The following WWOX variants were observed in gnomAD, a reference collection of about 807,000 sequenced individuals.
The protein encoded by WWOX is WW domain containing oxidoreductase.
WWOX carries 69 observed loss-of-function variants against 46.2 expected under a neutral mutation model. That is an observed-to-expected ratio of 1.49 (90% CI 1.23 to 1.82). The LOEUF is 1.82. Among genes scored for constraint, WWOX ranks in the 40% most tolerant of loss-of-function variants. The probability of loss-of-function intolerance (pLI) is 0.00; values close to 1 mark genes in which losing one functional copy is unlikely to be tolerated. For synonymous variants in WWOX, 359 were observed against 202.6 expected (o/e 1.77, Z -6.56); for missense variants, 919 against 542.6 (o/e 1.69, Z -6.89).
In WWOX at chr16:78,853,236, T is replaced by A. The variant is rs189999966; in HGVS notation, c.1057-358372T>A. On this transcript the variant is annotated intron_variant, in intron 8 of 8. Coordinates refer to ENST00000566780, the MANE Select transcript of WWOX (RefSeq NM_016373.4). ...ATTATTATTTTTTTCTTTTTTGTTT[T>A]TTCTGAGACAGTCTTGATCTGTCAT... is the stretch of plus-strand genomic sequence containing the variant. Among the ~76,000 whole-genome samples the A allele has an allele frequency of 6.3e-3, 958 of 152,300 alleles. 6 individuals carry two copies. The highest frequency in any genetic ancestry group is 9.9e-3 in the Non-Finnish European group (673 of 68,032).
intron 8 of WWOX, among the ~76,000 whole-genome samples, chr16:78,933,738 C>T (rs746853640): frequency 3.3e-5 from 5 of 151,934 alleles, no homozygotes; most frequent in East Asian, 1.9e-4. Flanking sequence ...TATCTGATCT[C>T]GTGAGACTTA....
chr16:78,845,793 C>G lies in WWOX; in HGVS notation c.1057-365815C>G, dbSNP rs2052283134. Among the ~76,000 whole-genome samples, 3 of 152,144 alleles carry G rather than the reference C, an allele frequency of 2.0e-5. No homozygotes were observed. The South Asian group carries it at 6.2e-4, about 32-fold the overall frequency. ...CTAATTTAATGGAATCAAGAAATGACATTATAAGCTGGCTTATGTGGGCAC... is the reference window on the plus strand; with the variant it reads ...CTAATTTAATGGAATCAAGAAATGAGATTATAAGCTGGCTTATGTGGGCAC... On this transcript the variant is annotated intron_variant, in intron 8 of 8. Coordinates refer to ENST00000566780, the MANE Select transcript of WWOX (RefSeq NM_016373.4).
At chr16:78,409,518 T>G (rs1287721801) in intron 6 of WWOX, among the ~76,000 whole-genome samples, 1 of 152,224 alleles carries the variant, frequency 6.6e-6, no homozygotes, top group Non-Finnish European at 1.5e-5. Flanking sequence ...GCATGCAGTA[T>G]TTGTCTGTTT....
chr16:78,845,814 G>T (rs924099811), intron 8 of WWOX, among the ~76,000 whole-genome samples: 1 of 152,184 alleles, frequency 6.6e-6, no homozygotes. Flanking sequence ...GGCTTATGTG[G>T]GCACTTAAGA....
Position 78,967,529 on chromosome 16 carries a change from T to C in WWOX, c.1057-244079T>C, listed in dbSNP as rs146732574. Among the ~76,000 whole-genome samples the C allele has an allele frequency of 5.0e-3, 711 of 141,266 alleles. 6 individuals carry two copies. Among genetic ancestry groups the C allele is most frequent in the African/African-American group, 0.018 (681 of 38,650 alleles). The allele number at this position is 141,266 out of a possible 152,430, so 92.7% of individuals were successfully genotyped here. A position where few individuals can be genotyped will look rare whatever the true frequency, so the allele number is the denominator to read the frequency against. On this transcript the variant is annotated intron_variant, in intron 8 of 8. Coordinates refer to ENST00000566780, the MANE Select transcript of WWOX (RefSeq NM_016373.4). ...CATGTTCTCCAGGCTGGTTTCAAAC[T>C]CCTGAGTCCAGGTGATCCACCCATC...
chr16:78,904,332 G>A (rs1005724213), intron 8 of WWOX, among the ~76,000 whole-genome samples: 58 of 150,118 alleles, frequency 3.9e-4, no homozygotes, highest in African/African-American at 1.2e-3. Flanking sequence ...TCTGCCTCCC[G>A]GGTTCAAGCA....
intron 5 of WWOX, among the ~76,000 whole-genome samples, chr16:78,194,111 C>G (rs2035972042): frequency 6.6e-6 from 1 of 151,668 alleles, no homozygotes; most frequent in South Asian, 2.1e-4. Flanking sequence ...ATCTCCTGAC[C>G]TCGTGATCCG....
At chr16:78,726,619 T>G (rs2048843015) in intron 8 of WWOX, among the ~76,000 whole-genome samples, 2 of 152,112 alleles carry the variant, frequency 1.3e-5, no homozygotes, top group South Asian at 2.1e-4. Context: ...AACTAAACAA[T>G]TTATTTGAGC....
At chr16:79,073,658 C>A (rs973565774) in intron 8 of WWOX, among the ~76,000 whole-genome samples, 3 of 152,098 alleles carry the variant, frequency 2.0e-5, no homozygotes, top group Admixed American at 2.0e-4. Flanking sequence ...TTTCAACAGC[C>A]TGGGAAGAGA....
intron 8 of WWOX, among the ~76,000 whole-genome samples, chr16:78,608,398 G>C (rs752364002): frequency 6.6e-6 from 1 of 152,172 alleles, no homozygotes; most frequent in Non-Finnish European, 1.5e-5. Flanking sequence ...CCAAATGCCT[G>C]TGCTACATAA....
At chr16:78,422,436 C>G (rs1399253071) in intron 6 of WWOX, among the ~76,000 whole-genome samples, 1 of 151,180 alleles carries the variant, frequency 6.6e-6, no homozygotes, top group Non-Finnish European at 1.5e-5. Flanking sequence ...CCTTGAACTC[C>G]TGGGCTCAAG....
intron 8 of WWOX, among the ~76,000 whole-genome samples, chr16:78,647,112 C>T (rs116349359): frequency 1.3e-3 from 192 of 152,298 alleles, no homozygotes; most frequent in African/African-American, 4.5e-3. Flanking sequence ...TGAAACTGCC[C>T]AGTGCCCCAA....
chr16:78,474,804 G>T (rs2151438686), intron 8 of WWOX, among the ~76,000 whole-genome samples: 1 of 152,148 alleles, frequency 6.6e-6, no homozygotes, highest in South Asian at 2.1e-4. Flanking sequence ...GTATATTCTG[G>T]ACATTTCTCA....
intron 8 of WWOX, among the ~76,000 whole-genome samples, chr16:78,770,737 G>C (rs757436081): frequency 1.6e-4 from 22 of 140,822 alleles, no homozygotes; most frequent in Non-Finnish European, 3.2e-4. Context: ...GTCTGCGCCA[G>C]TGTCCCTGCA....
intron 8 of WWOX, among the ~76,000 whole-genome samples, chr16:78,732,470 T>C (rs1039818432): frequency 1.3e-5 from 2 of 152,162 alleles, no homozygotes; most frequent in Admixed American, 1.3e-4. Context: ...TTCCAAACAC[T>C]GTGAAGCAGA....
chr16:79,048,440 G>C (rs1485992714), intron 8 of WWOX, among the ~76,000 whole-genome samples: 1 of 151,930 alleles, frequency 6.6e-6, no homozygotes, highest in Non-Finnish European at 1.5e-5. Flanking sequence ...TGTAATTAGG[G>C]CTTCAGAGTT....
chr16:78,122,879 A>G (rs1272192932), intron 4 of WWOX, among the ~76,000 whole-genome samples: 1 of 152,216 alleles, frequency 6.6e-6, no homozygotes, highest in Non-Finnish European at 1.5e-5. Context: ...TGCTAGGATT[A>G]CAGACACTAG....
Position 78,156,204 on chromosome 16 carries a change from G to T in WWOX, c.410-7979G>T, listed in dbSNP as rs1025414911. ...GAGAGGGTGGAAGCTTGAGCCTGTA[G>T]CCTGTTGCTGCTGTCTTGTCAGATG... On this transcript the variant is annotated intron_variant, in intron 4 of 8. Coordinates refer to ENST00000566780, the MANE Select transcript of WWOX (RefSeq NM_016373.4). Among the ~76,000 whole-genome samples, 4 of 152,260 alleles carry T rather than the reference G, an allele frequency of 2.6e-5. No homozygotes were observed. The South Asian group carries it at 6.2e-4, about 24-fold the overall frequency.
At chr16:78,863,005 G>A (rs893579641) in intron 8 of WWOX, among the ~76,000 whole-genome samples, 11 of 150,532 alleles carry the variant, frequency 7.3e-5, no homozygotes, top group African/African-American at 2.7e-4. Flanking sequence ...TGTTGCCAGG[G>A]TGGAGTGCAG....
Sources: gnomAD v4.1 joint callset for allele counts (sites outside exome capture counted in the v4.1 genomes callset) on GRCh38, gnomAD v4.1.1 for gene constraint, MANE v1.5 for transcripts, NCBI Gene and HGNC (gene_info 2026-07-23, HGNC 2026-07-21) for gene names.